Variants in GFPT2 observed in about 807,000 individuals in gnomAD.
GFPT2 encodes the protein glutamine--fructose-6-phosphate aminotransferase [isomerizing] 2.
In GFPT2, 62 loss-of-function variants were observed where a neutral mutation model predicts 85.6. The observed-to-expected ratio is 0.72, with a 90% CI of 0.59 to 0.90. The LOEUF is 0.90. GFPT2 is among the 40% of genes least tolerant of loss of function. The pLI, the probability that GFPT2 is intolerant of heterozygous loss-of-function variation, is 0.00. For synonymous variants in GFPT2, 368 were observed against 344.5 expected (o/e 1.07, Z -0.75); for missense variants, 788 against 893.4 (o/e 0.88, Z 1.50).
rs558612701 is a variant in GFPT2 at position 180,335,941 on chromosome 5, A to G, written c.227T>C (p.Met76Thr). Residue 76 changes from methionine to threonine, a missense_variant, in exon 4 of 19, where the codon ATG (methionine) becomes ACG (threonine). Met to Thr is a moderately conservative substitution (Grantham distance 81). Coordinates refer to ENST00000253778, the MANE Select transcript of GFPT2 (RefSeq NM_005110.4). ...LDEELYKQDSMDLKVEFETHF... is the reference protein window; with the variant it reads ...LDEELYKQDSTDLKVEFETHF... Reference sequence around the variant, plus strand: ...TGTCTCAAACTCCACTTTTAAGTCCATGCTGTCTTGTTCTAAATGAAAGGA... The same window carrying G: ...TGTCTCAAACTCCACTTTTAAGTCCGTGCTGTCTTGTTCTAAATGAAAGGA... 2.6e-5 allele frequency: 41 copies of G among 1,573,434 alleles called. No homozygotes were observed. Among genetic ancestry groups the G allele is most frequent in the Admixed American group, 6.2e-5 (3 of 48,672 alleles).
intron 18 of GFPT2, 118 bp from the exon 19 acceptor site, chr5:180,301,726 C>A: frequency 1.2e-6 from 1 of 814,928 alleles, no homozygotes; most frequent in Non-Finnish European, 2.1e-6. Flanking sequence ...TGGTCACCAA[C>A]CTAGAGACCT....
Position 180,317,061 on chromosome 5 carries a change from G to A in GFPT2, c.959-3C>T, listed in dbSNP as rs1764025439. 2 of 1,566,014 alleles carry A rather than the reference G, an allele frequency of 1.3e-6. No individual in the cohort carries two copies. Among genetic ancestry groups the A allele is most frequent in the Non-Finnish European group, 8.8e-7 (1 of 1,136,102 alleles). On this transcript the variant is annotated splice_polypyrimidine_tract_variant and splice_region_variant and intron_variant, in intron 10 of 18. Coordinates refer to ENST00000253778, the MANE Select transcript of GFPT2 (RefSeq NM_005110.4). ...CTGCATAAACGCACTGAAGTTACCT[G>A]GTCAAATAAACGTCTGGTCAGTTTT...
chr5:180,352,702 G>A lies in GFPT2; in HGVS notation c.7+509C>T, dbSNP rs775286548. 69 of 416,736 alleles carry A rather than the reference G, an allele frequency of 1.7e-4. 1 individual carries two copies. The highest frequency in any genetic ancestry group is 4.4e-5 in the African/African-American group (2 of 45,696). The allele number at this position is 416,736 out of a possible 1,614,324, so 25.8% of individuals were successfully genotyped here. ...CGCAGGCCCTGCCTGAGGCACTGAC[G>A]CAGCGGGGGCGACCGGGCGGGCTGC... On this transcript the variant is annotated intron_variant, in intron 1 of 18. Transcript: ENST00000253778.
chr5:180,302,297 AAAAG>A (rs1205268460), intron 18 of GFPT2, 122 bp downstream of exon 18: 4 of 711,210 alleles, frequency 5.6e-6, no homozygotes, highest in Admixed American at 3.1e-5. Context: ...AAAAAAAAAA[AAAAG>A]AAAGCTACTT....
At chr5:180,317,961 C>T (rs780834490) in intron 10 of GFPT2, among the ~76,000 whole-genome samples, 21 of 151,928 alleles carry the variant, frequency 1.4e-4, no homozygotes, top group Non-Finnish European at 2.6e-4. Context: ...CCCATGCTCC[C>T]GGCCTGTCTC....
In GFPT2 at chr5:180,302,595, G is replaced by T. The variant is rs1242374199; in HGVS notation, c.1843-11C>A. The T allele has an allele frequency of 6.2e-7, 1 of 1,602,482 alleles. No homozygotes were observed. The highest frequency in any genetic ancestry group is 1.1e-5 in the South Asian group (1 of 90,430). On this transcript the variant is annotated splice_polypyrimidine_tract_variant and intron_variant, in intron 17 of 18. Transcript: ENST00000253778. ...TATAATGGGGCGACCCTAGAGCAGA[G>T]AAATAGCATCATAAAATAGACCCTC... is the stretch of plus-strand genomic sequence containing the variant.
chr5:180,336,952 G>A (rs73811445), intron 2 of GFPT2, among the ~76,000 whole-genome samples: 1,750 of 152,374 alleles, frequency 0.011, 33 homozygotes, highest in African/African-American at 0.041. Context: ...TCTCCACTGC[G>A]TTAGTGTTCC....
At chr5:180,307,081 C>A (rs2127646585) in intron 16 of GFPT2, 95 bp downstream of exon 16, 1 of 1,061,570 alleles carries the variant, frequency 9.4e-7, no homozygotes, top group Non-Finnish European at 1.4e-6. Flanking sequence ...GCCCGGCCCT[C>A]CCCAAGCCCA....
chr5:180,312,582 C>T (rs1306578033), intron 14 of GFPT2, 38 bp from the exon 15 acceptor site: 1 of 1,085,436 alleles, frequency 9.2e-7, no homozygotes, highest in Non-Finnish European at 1.4e-6. Flanking sequence ...ACCTTATTTT[C>T]ACTTTTTAAA....
rs60035577 is a variant in GFPT2, at chr5:180,318,534, GCAGCTGACA to G, written c.958+250_958+258del. The G allele has an allele frequency of 6.0e-3, 2,873 of 479,786 alleles. 79 individuals are homozygous for G. The highest frequency in any genetic ancestry group is 0.051 in the African/African-American group (2,618 of 51,688). 29.7% of individuals were successfully genotyped at this position (479,786 alleles called of 1,614,324 possible). A position where few individuals can be genotyped will look rare whatever the true frequency, so the allele number is the denominator to read the frequency against. On this transcript the variant is annotated intron_variant, in intron 10 of 18. Transcript: ENST00000253778. The surrounding 1 kb of genome is among the most constrained non-coding windows in gnomAD (Gnocchi z 4.2). Reference sequence around the variant, plus strand: ...TGTCCCGCGGAGTCGGTGAAGGAAGGCAGCTGACACACTGGGCTCAGTTCCAGTAGGAAA... The same window carrying G: ...TGTCCCGCGGAGTCGGTGAAGGAAGGCACTGGGCTCAGTTCCAGTAGGAAA...
chr5:180,327,162 A>G (rs1764223799), intron 7 of GFPT2, among the ~76,000 whole-genome samples: 1 of 152,104 alleles, frequency 6.6e-6, no homozygotes, highest in African/African-American at 2.4e-5. Context: ...TTCATTCCAG[A>G]TGGCTCCCCT....
chr5:180,336,420 G>T, intron 3 of GFPT2, 59 bp downstream of exon 3: 2 of 897,400 alleles, frequency 2.2e-6, no homozygotes, highest in South Asian at 1.3e-5. Context: ...GTTGGAATAC[G>T]GTCCTAGAAA....
chr5:180,312,072 AGGCTG>A (rs1763901080), intron 15 of GFPT2, among the ~76,000 whole-genome samples: 1 of 52,242 alleles, frequency 1.9e-5, no homozygotes, highest in African/African-American at 6.3e-5. Flanking sequence ...GGAGGCGGGG[AGGCTG>A]AGGACCAGGG....
At chr5:180,305,054 G>A (rs572932988) in intron 16 of GFPT2, 115 bp from the exon 17 acceptor site, 1 of 756,096 alleles carries the variant, frequency 1.3e-6, no homozygotes, top group Admixed American at 2.1e-5. Context: ...AGAGAGCCAA[G>A]GGTTGCAAGG....
At chr5:180,332,307 T>C (rs1323185027) in intron 4 of GFPT2, among the ~76,000 whole-genome samples, 1 of 152,108 alleles carries the variant, frequency 6.6e-6, no homozygotes, top group African/African-American at 2.4e-5. Flanking sequence ...CCCACTGCAT[T>C]TTCTCAATGA....
rs1764248396 is a variant in GFPT2, at chr5:180,328,307, A to G, written c.566T>C (p.Val189Ala). Residue 189 changes from valine (V) to alanine (A), a missense_variant, in exon 7 of 19, where the codon GTC (valine) becomes GCC (alanine). Coordinates refer to ENST00000253778, the MANE Select transcript of GFPT2 (RefSeq NM_005110.4). This position sits in a 1 kb window ranked among gnomAD's most constrained non-coding sequence, Gnocchi z 5.4. ...GGCAACGGCTTCTCCTGGGTAGTGG[A>G]CACTCTTGAAAACCAGCGCGAATGC... ...EGAFALVFKS[V>A]HYPGEAVATR... 1 of 1,613,216 alleles carries G rather than the reference A, an allele frequency of 6.2e-7. No homozygotes were observed. Among genetic ancestry groups the G allele is most frequent in the Non-Finnish European group, 8.5e-7 (1 of 1,179,264 alleles).
chr5:180,337,431 T>A (rs1306286493), intron 2 of GFPT2, among the ~76,000 whole-genome samples: 3 of 138,310 alleles, frequency 2.2e-5, no homozygotes, highest in East Asian at 2.1e-4. Flanking sequence ...TCAGCCTGGG[T>A]GACAGAGCGA....
At chr5:180,337,192 C>G (rs995144982) in intron 2 of GFPT2, among the ~76,000 whole-genome samples, 3 of 152,186 alleles carry the variant, frequency 2.0e-5, no homozygotes, top group Non-Finnish European at 2.9e-5. Context: ...CGGTGGCTCA[C>G]GCCTGTAATC....
chr5:180,313,803 C>T lies in GFPT2; in HGVS notation c.1431+4G>A, dbSNP rs773709798. On this transcript the variant is annotated splice_donor_region_variant and intron_variant, in intron 14 of 18. Coordinates refer to ENST00000253778, the MANE Select transcript of GFPT2 (RefSeq NM_005110.4). ...CTGGGACGGGCGCCCGTGGCTCCTC[C>T]TACCTTGGTGCTGGCCACGCCGATC... The T allele has an allele frequency of 1.3e-6, 2 of 1,548,200 alleles. No homozygotes were observed. The highest frequency in any genetic ancestry group is 8.7e-7 in the Non-Finnish European group (1 of 1,151,520).
Sources: allele counts gnomAD v4.1 joint callset (sites outside exome capture counted in the v4.1 genomes callset), GRCh38; gene constraint gnomAD v4.1.1; non-coding constraint Gnocchi (gnomAD v3.1); transcripts MANE v1.5; gene names NCBI Gene and HGNC (gene_info 2026-07-23, HGNC 2026-07-21).